Variants in VOPP1 observed in about 807,000 individuals in gnomAD.
The protein encoded by VOPP1 is WW domain binding protein VOPP1.
A neutral mutation model predicts 23.5 loss-of-function variants in VOPP1; 8 were observed. The observed-to-expected ratio is 0.34, with a 90% CI of 0.20 to 0.61. VOPP1 has a LOEUF of 0.61. Ranked by LOEUF, VOPP1 falls within the 20% of genes least tolerant of loss-of-function variation. The probability of loss-of-function intolerance (pLI) is 0.78; values close to 1 mark genes in which losing one functional copy is unlikely to be tolerated. For missense variants in VOPP1, 174 were observed against 238.1 expected, an observed-to-expected ratio of 0.73 and a Z score of 1.77; for synonymous variants, 83 against 97.3, an observed-to-expected ratio of 0.85 and a Z score of 0.86.
intron 1 of VOPP1, among the ~76,000 whole-genome samples, chr7:55,530,466 G>GAGTT (rs1251762793): frequency 1.3e-5 from 2 of 152,144 alleles, no homozygotes; most frequent in Non-Finnish European, 1.5e-5. Context: ...ACAACCCTGA[G>GAGTT]AGTTAGGTGG....
chr7:55,456,888 T>C (rs1307160940), intron 4 of VOPP1, among the ~76,000 whole-genome samples: 3 of 152,166 alleles, frequency 2.0e-5, no homozygotes, highest in African/African-American at 2.4e-5. Flanking sequence ...CCATGGCACC[T>C]GTATACCTAT....
intron 3 of VOPP1, among the ~76,000 whole-genome samples, chr7:55,493,627 A>G (rs1405792053): frequency 6.6e-6 from 1 of 152,196 alleles, no homozygotes; most frequent in African/African-American, 2.4e-5. Flanking sequence ...TCATTCAGCA[A>G]GTCATCTTCA....
rs1562921846 is a variant in VOPP1 at position 55,492,275 on chromosome 7, G to A, written c.328+7C>T. On this transcript the variant is annotated splice_region_variant and intron_variant, in intron 4 of 4. Coordinates refer to ENST00000285279, the MANE Select transcript of VOPP1 (RefSeq NM_030796.5). ...GGGGAGGAGAGACAAGGACAGGGCT[G>A]GCTGACCTGGGCCGGGATTTGGGGG... The A allele has an allele frequency of 6.2e-7, 1 of 1,608,454 alleles. No homozygotes were observed. The highest frequency in any genetic ancestry group is 1.1e-5 in the South Asian group (1 of 90,212).
intron 1 of VOPP1, chr7:55,537,707 G>A (rs1480185558): frequency 1.1e-5 from 15 of 1,427,778 alleles, no homozygotes; most frequent in African/African-American, 1.4e-5. Context: ...CATGGAGGAC[G>A]CTACAAGGAT....
intron 3 of VOPP1, 52 bp downstream of exon 3, chr7:55,497,561 G>C (rs1000243186): frequency 5.0e-5 from 68 of 1,366,416 alleles, no homozygotes; most frequent in African/African-American, 1.6e-4. Context: ...TGATGGGGGG[G>C]GGGGGGGGGC....
intron 1 of VOPP1, among the ~76,000 whole-genome samples, chr7:55,536,338 G>T (rs1000193319): frequency 4.6e-5 from 7 of 152,168 alleles, no homozygotes; most frequent in African/African-American, 1.7e-4. Context: ...AGACCAACCT[G>T]GCCAACATGG....
chr7:55,513,944 G>A (rs1049508993), intron 2 of VOPP1, among the ~76,000 whole-genome samples: 1 of 152,176 alleles, frequency 6.6e-6, no homozygotes. Context: ...GCTTATTAAA[G>A]TCACATGAAA....
intron 4 of VOPP1, among the ~76,000 whole-genome samples, chr7:55,437,137 C>A (rs997114670): frequency 5.3e-5 from 8 of 152,174 alleles, no homozygotes; most frequent in South Asian, 2.1e-4. Context: ...AGGGAAGTTA[C>A]CAAACACTGT....
At chr7:55,444,117 G>C (rs770863807) in intron 4 of VOPP1, among the ~76,000 whole-genome samples, 10 of 152,116 alleles carry the variant, frequency 6.6e-5, no homozygotes, top group Admixed American at 1.3e-4. Flanking sequence ...AGTGACAGCT[G>C]CCGTACCCGG....
At chr7:55,453,525 G>A (rs368973126) in intron 4 of VOPP1, among the ~76,000 whole-genome samples, 1 of 152,172 alleles carries the variant, frequency 6.6e-6, no homozygotes. Flanking sequence ...TTTGTTGTGT[G>A]TCAGGGAAGA....
chr7:55,435,443 C>T (rs767876269), downstream of VOPP1, among the ~76,000 whole-genome samples: 2 of 152,128 alleles, frequency 1.3e-5, no homozygotes, highest in Non-Finnish European at 2.9e-5. Context: ...GAAGATGCTG[C>T]CAGCAGGTCC....
chr7:55,526,355 G>C (rs191239970), intron 1 of VOPP1, among the ~76,000 whole-genome samples: 2 of 152,282 alleles, frequency 1.3e-5, no homozygotes, highest in Admixed American at 6.5e-5. Flanking sequence ...TATTTAGGCA[G>C]GATCTAAATA....
intron 4 of VOPP1, among the ~76,000 whole-genome samples, chr7:55,436,940 C>T (rs1181800811): frequency 6.6e-6 from 1 of 152,152 alleles, no homozygotes. Context: ...TTCATAGGAT[C>T]ATCCAGCAGA....
intron 2 of VOPP1, among the ~76,000 whole-genome samples, chr7:55,504,823 C>T (rs938668455): frequency 1.3e-5 from 2 of 152,202 alleles, no homozygotes; most frequent in Non-Finnish European, 2.9e-5. Context: ...AGGAAGAATC[C>T]CAGTTTACTC....
At chr7:55,507,488 C>T (rs920983068) in intron 2 of VOPP1, among the ~76,000 whole-genome samples, 6 of 152,126 alleles carry the variant, frequency 3.9e-5, no homozygotes, top group African/African-American at 1.4e-4. Flanking sequence ...TGAGTTTGGT[C>T]ATATGCAAAC....
At chr7:55,457,020 A>T (rs1791383995) in intron 4 of VOPP1, among the ~76,000 whole-genome samples, 1 of 152,044 alleles carries the variant, frequency 6.6e-6, no homozygotes, top group Non-Finnish European at 1.5e-5. Flanking sequence ...GAACAATATA[A>T]ATTATTCCTT....
chr7:55,476,641 C>G (rs1307052949), intron 4 of VOPP1, among the ~76,000 whole-genome samples: 1 of 152,186 alleles, frequency 6.6e-6, no homozygotes, highest in African/African-American at 2.4e-5. Context: ...TCAGCCCCTC[C>G]AAACTCAGGG....
At chr7:55,522,776 G>A (rs1446182550) in intron 1 of VOPP1, among the ~76,000 whole-genome samples, 2 of 152,208 alleles carry the variant, frequency 1.3e-5, no homozygotes, top group Admixed American at 6.5e-5. Flanking sequence ...AGAGCCAGGT[G>A]CAAAGGGCTG....
chr7:55,486,988 G>C (rs1053238051), intron 4 of VOPP1, among the ~76,000 whole-genome samples: 1 of 152,164 alleles, frequency 6.6e-6, no homozygotes, highest in African/African-American at 2.4e-5. Context: ...ACCGGGGAGA[G>C]GTGGCCTGTA....
Sources: gnomAD v4.1 joint callset for allele counts (sites outside exome capture counted in the v4.1 genomes callset) on GRCh38, gnomAD v4.1.1 for gene constraint, MANE v1.5 for transcripts, NCBI Gene and HGNC (gene_info 2026-07-23, HGNC 2026-07-21) for gene names.